The following STKLD1 variants were observed in gnomAD, a reference collection of about 807,000 sequenced individuals.
The protein encoded by STKLD1 is serine/threonine kinase-like domain-containing protein STKLD1.
STKLD1 carries 79 observed loss-of-function variants against 80.4 expected under a neutral mutation model. The ratio of observed to expected loss-of-function variants is 0.98; its 90% CI spans 0.82 to 1.19. The LOEUF (loss-of-function observed/expected upper bound fraction) is 1.19, where lower values mean the gene tolerates loss of function less well. Ranked by LOEUF, STKLD1 falls within the 50% of genes most tolerant of loss-of-function variation. The pLI is 0.00. For synonymous variants in STKLD1, 393 were observed against 357.6 expected (o/e 1.10, Z -1.12); for missense variants, 841 against 856.0 (o/e 0.98, Z 0.22).
In STKLD1 at chr9:133,403,728, G is replaced by C. The variant is rs782427001; in HGVS notation, c.1503G>C (p.Glu501Asp). The change falls in exon 15 of 18, where the codon GAG (glutamate) becomes GAC (aspartate). Residue 501 changes from glutamate to aspartate, a missense_variant. Glu to Asp is a conservative substitution (Grantham distance 45). Coordinates refer to ENST00000371957, the MANE Select transcript of STKLD1 (RefSeq NM_153710.5). ...TCATTGTGAACAAGGCCCCCTTGGA[G>C]AAGGTCCCGGACCTCATCAGCCAGG... ...DGIIVNKAPL[E>D]KVPDLISQVL... 2 of 1,613,766 alleles carry C rather than the reference G, an allele frequency of 1.2e-6. No individual in the cohort carries two copies. Among genetic ancestry groups the C allele is most frequent in the South Asian group, 1.1e-5 (1 of 91,076 alleles).
rs2130274844 is a variant in STKLD1 at position 133,385,588 on chromosome 9, T to G, written c.220-29T>G. ...AGAAAGGCGTGGAGAGGCACTGACTTCTCCGTTTCCTCTGCTCTATCCTGG... is the reference window on the plus strand; with the variant it reads ...AGAAAGGCGTGGAGAGGCACTGACTGCTCCGTTTCCTCTGCTCTATCCTGG... On this transcript the variant is annotated intron_variant, in intron 3 of 17. Coordinates refer to ENST00000371957, the MANE Select transcript of STKLD1 (RefSeq NM_153710.5). This position sits in a 1 kb window ranked among gnomAD's most constrained non-coding sequence, Gnocchi z 4.9. 1.2e-6 allele frequency: 2 copies of G among 1,610,088 alleles called. No homozygotes were observed. Among genetic ancestry groups the G allele is most frequent in the Non-Finnish European group, 1.7e-6 (2 of 1,177,440 alleles).
intron 11 of STKLD1, among the ~76,000 whole-genome samples, chr9:133,400,111 T>C (rs4549850): frequency 0.12 from 17,888 of 152,120 alleles, 1,384 homozygotes; most frequent in African/African-American, 0.22. Context: ...ATAGACTGGC[T>C]AGGTTCAAAC....
intron 2 of STKLD1, among the ~76,000 whole-genome samples, chr9:133,381,615 T>C (rs1371873180): frequency 1.3e-5 from 2 of 150,964 alleles, no homozygotes; most frequent in Non-Finnish European, 2.9e-5. Context: ...CACGCCCGGC[T>C]AATTTTGTAT....
chr9:133,400,549 A>T lies in STKLD1; in HGVS notation c.1198+20A>T, dbSNP rs371080757. 6.3e-7 allele frequency: 1 copy of T among 1,586,122 alleles called. No individual in the cohort carries two copies. The highest frequency in any genetic ancestry group is 1.3e-5 in the African/African-American group (1 of 74,308). On this transcript the variant is annotated intron_variant, in intron 12 of 17. Coordinates refer to ENST00000371957, the MANE Select transcript of STKLD1 (RefSeq NM_153710.5). ...GCCAAGGTGGGTGCCAAACCAGGCC[A>T]GATGGGGTCGGGGAGGCTGTGCGCT... is the stretch of plus-strand genomic sequence containing the variant.
chr9:133,379,885 C>G (rs989675126), intron 2 of STKLD1, among the ~76,000 whole-genome samples: 3 of 152,218 alleles, frequency 2.0e-5, no homozygotes, highest in African/African-American at 7.2e-5. Flanking sequence ...GGCCAGGCCT[C>G]AGTCCGTACA....
At chr9:133,388,073 C>T (rs1838303402) in intron 5 of STKLD1, among the ~76,000 whole-genome samples, 1 of 152,200 alleles carries the variant, frequency 6.6e-6, no homozygotes, top group Admixed American at 6.5e-5. Context: ...AAGACACTCA[C>T]TTTTCTGGGA....
rs1175057657 is a variant in STKLD1 at position 133,390,955 on chromosome 9, C to T, written c.583+159C>T. ...CTTGTGTAAACTCCAAAGAGACCTC[C>T]TTTGGGTTGCAACTGAGCAGGCGTG... On this transcript the variant is annotated intron_variant, in intron 7 of 17. Coordinates refer to ENST00000371957, the MANE Select transcript of STKLD1 (RefSeq NM_153710.5). The surrounding 1 kb of genome is among the most constrained non-coding windows in gnomAD (Gnocchi z 5.1). 6.6e-6 allele frequency among the ~76,000 whole-genome samples: 1 copy of T among 151,912 alleles called. No homozygotes were observed. Among genetic ancestry groups the T allele is most frequent in the African/African-American group, 2.4e-5 (1 of 41,232 alleles).
intron 1 of STKLD1, among the ~76,000 whole-genome samples, chr9:133,377,187 C>G (rs1311454056): frequency 6.6e-6 from 1 of 151,870 alleles, no homozygotes; most frequent in Non-Finnish European, 1.5e-5. Context: ...CTTCTGGTGG[C>G]CAGATAATTT....
chr9:133,383,057 G>A (rs1838178885), intron 2 of STKLD1, among the ~76,000 whole-genome samples: 1 of 151,498 alleles, frequency 6.6e-6, no homozygotes, highest in Non-Finnish European at 1.5e-5. Flanking sequence ...TAATAGTGGT[G>A]ATGGTGACGG....
Position 133,395,735 on chromosome 9 carries a change from A to C in STKLD1, c.838A>C (p.Ile280Leu). Reference sequence around the variant, plus strand: ...GAATCTTCTGCCCTTGATGCTCCAGATCGACCCCTCGGATCGAATAACGAT... The same window carrying C: ...GAATCTTCTGCCCTTGATGCTCCAGCTCGACCCCTCGGATCGAATAACGAT... ...FRNLLPLMLQ[I>L]DPSDRITIKD... Residue 280 changes from isoleucine (I) to leucine (L), a missense_variant, in exon 9 of 18, where the codon ATC becomes CTC. Ile to Leu is a conservative substitution (Grantham distance 5). Coordinates refer to ENST00000371957, the MANE Select transcript of STKLD1 (RefSeq NM_153710.5). 1 of 1,613,518 alleles carries C rather than the reference A, an allele frequency of 6.2e-7. No individual in the cohort carries two copies. The highest frequency in any genetic ancestry group is 8.5e-7 in the Non-Finnish European group (1 of 1,179,998).
At chr9:133,396,243 G>C (rs369513173) in intron 9 of STKLD1, among the ~76,000 whole-genome samples, 1 of 152,154 alleles carries the variant, frequency 6.6e-6, no homozygotes, top group African/African-American at 2.4e-5. Context: ...GTCTAGCCTG[G>C]GTAACATGGC....
rs115966730 is a variant in STKLD1, at chr9:133,403,605, G to A, written c.1475-95G>A. 3,670 of 1,485,078 alleles carry A rather than the reference G, an allele frequency of 2.5e-3. 96 individuals carry two copies. The African/African-American group carries it at 0.046, about 19-fold the overall frequency. 92.0% of individuals were successfully genotyped at this position (1,485,078 alleles called of 1,614,324 possible). A position where few individuals can be genotyped will look rare whatever the true frequency, so the allele number is the denominator to read the frequency against. On this transcript the variant is annotated intron_variant, in intron 14 of 17. Transcript: ENST00000371957. ...TTCCCACCCCATTTCTGCTGTTGTC[G>A]TTAGCTGGAGGAAGGCAGCAGATGG...
chr9:133,400,367 C>T (rs782282588), intron 11 of STKLD1, 46 bp from the exon 12 acceptor site: 81 of 1,494,774 alleles, frequency 5.4e-5, no homozygotes, highest in Admixed American at 8.4e-5. Context: ...TATATGCCCC[C>T]GATCTGGCCC....
rs1048396497 is a variant in STKLD1, at chr9:133,385,816, G to A, written c.294+125G>A. Reference sequence around the variant, plus strand: ...AGCTCGTGTGGCAATGGCAGTGACTGTAAACGTGGCCACCCCTGACCTAAC... The same window carrying A: ...AGCTCGTGTGGCAATGGCAGTGACTATAAACGTGGCCACCCCTGACCTAAC... On this transcript the variant is annotated intron_variant, in intron 4 of 17. Coordinates refer to ENST00000371957, the MANE Select transcript of STKLD1 (RefSeq NM_153710.5). The surrounding 1 kb of genome is among the most constrained non-coding windows in gnomAD (Gnocchi z 4.9). 5 of 866,424 alleles carry A rather than the reference G, an allele frequency of 5.8e-6. No homozygotes were observed. The highest frequency in any genetic ancestry group is 7.3e-6 in the Non-Finnish European group (4 of 550,390). The allele number at this position is 866,424 out of a possible 1,614,324, so 53.7% of individuals were successfully genotyped here. A position where few individuals can be genotyped will look rare whatever the true frequency, so the allele number is the denominator to read the frequency against.
intron 17 of STKLD1, 94 bp from the exon 18 acceptor site, chr9:133,405,157 CA>C: frequency 2.7e-6 from 4 of 1,464,688 alleles, no homozygotes; most frequent in Non-Finnish European, 3.7e-6. Context: ...ATGCCAAGCC[CA>C]AGGGGGAATG....
intron 1 of STKLD1, among the ~76,000 whole-genome samples, chr9:133,377,488 A>G (rs1838012364): frequency 6.6e-6 from 1 of 152,178 alleles, no homozygotes; most frequent in South Asian, 2.1e-4. Flanking sequence ...CAACATGGAG[A>G]AACTGTCTCT....
intron 13 of STKLD1, 26 bp downstream of exon 13, chr9:133,401,904 C>T (rs1456694348): frequency 1.4e-5 from 22 of 1,610,580 alleles, no homozygotes; most frequent in Non-Finnish European, 1.9e-5. Context: ...ACCTCCTGCC[C>T]CACCCACGCT....
chr9:133,404,437 C>T (rs933250125), intron 16 of STKLD1, among the ~76,000 whole-genome samples: 7 of 152,184 alleles, frequency 4.6e-5, no homozygotes, highest in Admixed American at 2.6e-4. Flanking sequence ...ACAGCACAAC[C>T]GACGCTCGGC....
chr9:133,402,903 G>A lies in STKLD1; in HGVS notation c.1365G>A (p.Leu455=), dbSNP rs1554777946. ...TQESESLSEE[L]QNAGLLEHIL... is the part of the protein sequence containing the mutation. ...AGTCAGAGTCACTGTCAGAGGAGCTGCAGAATGCTGGGCTGCTGGAGCACA... is the reference window on the plus strand; with the variant it reads ...AGTCAGAGTCACTGTCAGAGGAGCTACAGAATGCTGGGCTGCTGGAGCACA... Residue 455 remains leucine, a synonymous_variant, in exon 14 of 18, where the codon CTG becomes CTA. Transcript: ENST00000371957. The A allele has an allele frequency of 6.3e-7, 1 of 1,592,994 alleles. No individual in the cohort carries two copies. The highest frequency in any genetic ancestry group is 8.5e-7 in the Non-Finnish European group (1 of 1,170,226).
Sources: allele counts gnomAD v4.1 joint callset (sites outside exome capture counted in the v4.1 genomes callset), GRCh38; gene constraint gnomAD v4.1.1; non-coding constraint Gnocchi (gnomAD v3.1); transcripts MANE v1.5; gene names NCBI Gene and HGNC (gene_info 2026-07-23, HGNC 2026-07-21).